The following TPD52L2 variants were observed in gnomAD, a reference collection of about 807,000 sequenced individuals.
The protein encoded by TPD52L2 is TPD52 like 2, also known as tumor protein D54.
A neutral mutation model predicts 24.7 loss-of-function variants in TPD52L2; 19 were observed. That is an observed-to-expected ratio of 0.77 (90% CI 0.54 to 1.13). TPD52L2 has a LOEUF of 1.13. Ranked by LOEUF, TPD52L2 falls within the 50% of genes most tolerant of loss-of-function variation. The pLI, the probability that TPD52L2 is intolerant of heterozygous loss-of-function variation, is 0.00. For missense variants in TPD52L2, 236 were observed against 250.4 expected, an observed-to-expected ratio of 0.94 and a Z score of 0.39; for synonymous variants, 104 against 100.2, an observed-to-expected ratio of 1.04 and a Z score of -0.23.
chr20:63,868,532 C>A (rs998699985), intron 1 of TPD52L2, among the ~76,000 whole-genome samples: 1 of 152,202 alleles, frequency 6.6e-6, no homozygotes, highest in Admixed American at 6.5e-5. Flanking sequence ...CCTGAAGGAG[C>A]TGAATGAGCA....
intron 4 of TPD52L2, among the ~76,000 whole-genome samples, chr20:63,876,318 A>C (rs2052674942): frequency 6.6e-6 from 1 of 152,024 alleles, no homozygotes; most frequent in African/African-American, 2.4e-5. Flanking sequence ...TTCCTCCTTT[A>C]GGGGTAGTTC....
intron 4 of TPD52L2, 127 bp from the exon 5 acceptor site, chr20:63,882,592 G>A: frequency 8.0e-6 from 6 of 751,830 alleles, no homozygotes; most frequent in South Asian, 3.0e-5. Context: ...CACCTGGCGA[G>A]TGTCCACCCC....
At chr20:63,887,088 C>T (rs3795154) in intron 5 of TPD52L2, 88,520 of 217,556 alleles carry the variant, frequency 0.41, 19,131 homozygotes, top group East Asian at 0.64. Context: ...CCCAAAGGGC[C>T]CTCCTGCAGA....
rs548428342 is a variant in TPD52L2, at chr20:63,887,057, C to T, written c.477-2133C>T. On this transcript the variant is annotated intron_variant, in intron 5 of 6. Coordinates refer to ENST00000346249, the MANE Select transcript of TPD52L2 (RefSeq NM_003288.4). Reference sequence around the variant, plus strand: ...ATGGAGTTTTGTCTTGTTTACTACCCGAGAGCCCATAGGTGTGCCTCCCAA... The same window carrying T: ...ATGGAGTTTTGTCTTGTTTACTACCTGAGAGCCCATAGGTGTGCCTCCCAA... 217 of 195,206 alleles carry T rather than the reference C, an allele frequency of 1.1e-3. 1 individual carries two copies. Among genetic ancestry groups the T allele is most frequent in the African/African-American group, 5.0e-3 (208 of 41,874 alleles). The allele number at this position is 195,206 out of a possible 1,614,324, so 12.1% of individuals were successfully genotyped here. A position where few individuals can be genotyped will look rare whatever the true frequency, so the allele number is the denominator to read the frequency against.
chr20:63,885,960 G>A, intron 5 of TPD52L2: 3 of 1,601,032 alleles, frequency 1.9e-6, no homozygotes, highest in Admixed American at 1.7e-5. Context: ...GTGAGTGGGT[G>A]CTGGCCTCCC....
In TPD52L2 at chr20:63,865,357, C is replaced by T. The variant is rs2052170465; in HGVS notation, c.-9C>T. ...GCGCCCGCGACAGCGGTCCGGACGC[C>T]GCCCGAACATGGACTCCGCCGGCCA... On this transcript the variant is annotated 5_prime_UTR_variant, in exon 1 of 7. Coordinates refer to ENST00000346249, the MANE Select transcript of TPD52L2 (RefSeq NM_003288.4). The T allele has an allele frequency of 5.2e-6, 8 of 1,527,434 alleles. No individual in the cohort carries two copies. In the Middle Eastern group the frequency reaches 7.0e-4, roughly 134 times the overall value. The allele number at this position is 1,527,434 out of a possible 1,614,324, so 94.6% of individuals were successfully genotyped here.
chr20:63,865,285 T>C lies in TPD52L2; in HGVS notation c.-81T>C, dbSNP rs1249854011. 3 of 1,451,032 alleles carry C rather than the reference T, an allele frequency of 2.1e-6. No individual in the cohort carries two copies. The highest frequency in any genetic ancestry group is 1.3e-5 in the South Asian group (1 of 74,780). 89.9% of individuals were successfully genotyped at this position (1,451,032 alleles called of 1,614,324 possible). On this transcript the variant is annotated 5_prime_UTR_variant, in exon 1 of 7. Transcript: ENST00000346249. ...GAGCTGAGGCAGTTCCGCTGGCTAG[T>C]GTGTACGCGGCGAGCTTCTCCCGGC...
chr20:63,881,173 C>T (rs1196773804), intron 4 of TPD52L2, among the ~76,000 whole-genome samples: 1 of 152,024 alleles, frequency 6.6e-6, no homozygotes, highest in African/African-American at 2.4e-5. Flanking sequence ...ACCAGCCTGG[C>T]CAACATGGTG....
intron 2 of TPD52L2, among the ~76,000 whole-genome samples, chr20:63,870,568 G>A (rs1402005583): frequency 7.4e-6 from 1 of 136,034 alleles, no homozygotes; most frequent in African/African-American, 2.8e-5. Context: ...CTGCCGCCCA[G>A]GCTGGAGTGC....
At chr20:63,868,733 C>G (rs570082995) in intron 1 of TPD52L2, among the ~76,000 whole-genome samples, 1 of 152,160 alleles carries the variant, frequency 6.6e-6, no homozygotes, top group Non-Finnish European at 1.5e-5. Flanking sequence ...CACCCGAGGT[C>G]GGGAATTGGA....
At chr20:63,883,867 G>A (rs1176184149) in intron 5 of TPD52L2, among the ~76,000 whole-genome samples, 1 of 147,434 alleles carries the variant, frequency 6.8e-6, no homozygotes, top group East Asian at 2.0e-4. Context: ...CCTTAGGTTA[G>A]GTGTGTCCTG....
intron 4 of TPD52L2, among the ~76,000 whole-genome samples, chr20:63,881,721 A>G (rs2146224327): frequency 6.6e-6 from 1 of 152,354 alleles, no homozygotes; most frequent in East Asian, 1.9e-4. Flanking sequence ...CTGGGAGCCC[A>G]TCTCCATTCA....
intron 3 of TPD52L2, among the ~76,000 whole-genome samples, chr20:63,874,326 C>G (rs2052585538): frequency 6.6e-6 from 1 of 150,890 alleles, no homozygotes; most frequent in Non-Finnish European, 1.5e-5. Context: ...GTGATCCACC[C>G]ACCTCAGCCT....
chr20:63,884,161 C>T (rs767476534), intron 5 of TPD52L2, among the ~76,000 whole-genome samples: 1 of 152,216 alleles, frequency 6.6e-6, no homozygotes, highest in Non-Finnish European at 1.5e-5. Flanking sequence ...CACCCTCACA[C>T]GCCCAAGGCT....
intron 4 of TPD52L2, among the ~76,000 whole-genome samples, chr20:63,878,171 C>T (rs796400069): frequency 3.3e-5 from 5 of 152,242 alleles, no homozygotes; most frequent in South Asian, 2.1e-4. Flanking sequence ...TCCTGACCCA[C>T]GTGTTTGTAG....
intron 1 of TPD52L2, among the ~76,000 whole-genome samples, chr20:63,866,390 A>T (rs2052235013): frequency 1.3e-5 from 2 of 152,264 alleles, no homozygotes; most frequent in South Asian, 4.1e-4. Flanking sequence ...GGCGTGAGCC[A>T]CTGTGCCCGG....
chr20:63,869,380 C>A lies in TPD52L2; in HGVS notation c.104C>A (p.Thr35Asn). The A allele has an allele frequency of 6.2e-7, 1 of 1,614,224 alleles. No individual in the cohort carries two copies. The highest frequency in any genetic ancestry group is 8.5e-7 in the Non-Finnish European group (1 of 1,180,024). Residue 35 changes from threonine to asparagine, a missense_variant, in exon 2 of 7, where the codon ACT becomes AAT. Transcript: ENST00000346249. ...GTCGACACAGGTGTGGCTGCCCGGA[C>A]TCCTGCTGTTGAGGGTCTGACAGAG... ...VPVDTGVAAR[T>N]PAVEGLTEAE...
rs2052553219 is a variant in TPD52L2 at position 63,873,719 on chromosome 20, C to T, written c.217C>T (p.His73Tyr). The T allele has an allele frequency of 6.2e-7, 1 of 1,610,520 alleles. No homozygotes were observed. Among genetic ancestry groups the T allele is most frequent in the Non-Finnish European group, 8.5e-7 (1 of 1,178,902 alleles). The change falls in exon 3 of 7, where the codon CAC becomes TAC. Residue 73 changes from histidine (H) to tyrosine (Y), a missense_variant. Transcript: ENST00000346249. ...LRQVLAAKER[H>Y]CGELKRRLGL... is the part of the protein sequence containing the mutation. ...CCAGGTCCTGGCAGCCAAGGAGAGG[C>T]ACTGTGGAGAGCTCAAGAGGAGGCT...
At chr20:63,868,077 C>G (rs1204921758) in intron 1 of TPD52L2, among the ~76,000 whole-genome samples, 4 of 151,066 alleles carry the variant, frequency 2.6e-5, no homozygotes, top group African/African-American at 7.3e-5. Flanking sequence ...ACCACGCTAA[C>G]TAATTTTGTA....
Sources: gnomAD v4.1 joint callset for allele counts (sites outside exome capture counted in the v4.1 genomes callset) on GRCh38, gnomAD v4.1.1 for gene constraint, MANE v1.5 for transcripts, NCBI Gene and HGNC (gene_info 2026-07-23, HGNC 2026-07-21) for gene names.